PTGR3: variants seen among roughly 807,000 people sequenced by gnomAD.
PTGR3 encodes zinc binding alcohol dehydrogenase domain containing 2.
the PTGR3 span, among the ~76,000 whole-genome samples, chr18:75,204,459 G>T: frequency 6.6e-6 from 1 of 152,186 alleles, no homozygotes; most frequent in Non-Finnish European, 1.5e-5. Context: ...GTTTGCCAGG[G>T]GCCTTTGCTT....
chr18:75,206,887 CTG>C, the PTGR3 span, among the ~76,000 whole-genome samples: 2 of 152,234 alleles, frequency 1.3e-5, no homozygotes, highest in Non-Finnish European at 2.9e-5. Context: ...AGGGATCCAC[CTG>C]TCTCCCGCCC....
chr18:75,206,364 A>C, the PTGR3 span, among the ~76,000 whole-genome samples: 1 of 152,184 alleles, frequency 6.6e-6, no homozygotes, highest in Non-Finnish European at 1.5e-5. Context: ...AAACCACCAA[A>C]CATCTTTCCC....
chr18:75,196,122 C>G, the PTGR3 span: 2 of 152,000 alleles, frequency 1.3e-5, 1 homozygote, highest in South Asian at 4.2e-4. Context: ...ATTCTAAGAC[C>G]CTGTTCAGTT....
chr18:75,203,669 G>A, the PTGR3 span, among the ~76,000 whole-genome samples: 1 of 152,112 alleles, frequency 6.6e-6, no homozygotes, highest in Non-Finnish European at 1.5e-5. Context: ...ACCCGTGGAA[G>A]ATACACAATC....
chr18:75,197,752 T>C, the PTGR3 span: 1 of 152,252 alleles, frequency 6.6e-6, no homozygotes, highest in Non-Finnish European at 1.5e-5. Flanking sequence ...TTCTTGTGTT[T>C]AACCAAGTAA....
the PTGR3 span, chr18:75,198,499 T>C: frequency 6.6e-6 from 1 of 152,126 alleles, no homozygotes; most frequent in Non-Finnish European, 1.5e-5. Context: ...TTCCTTCATT[T>C]CTTTGCAAAC....
At chr18:75,208,592 A>G in the PTGR3 span, 1 of 938,376 alleles carries the variant, frequency 1.1e-6, no homozygotes, top group East Asian at 4.6e-5. Flanking sequence ...AGGGGAGGGG[A>G]ATCCCAAATT....
At chr18:75,205,190 T>G in the PTGR3 span, 1 of 985,494 alleles carries the variant, frequency 1.0e-6, no homozygotes, top group Non-Finnish European at 1.2e-6. Flanking sequence ...CCTGAGTCCT[T>G]ACCTCTGCGT....
At chr18:75,201,172 T>G in the PTGR3 span, 1 of 504,058 alleles carries the variant, frequency 2.0e-6, no homozygotes, top group East Asian at 3.2e-5. Flanking sequence ...CATCCATGAC[T>G]AAAGAATTGA....
At chr18:75,202,001 C>T in the PTGR3 span, 10 of 1,614,208 alleles carry the variant, frequency 6.2e-6, no homozygotes, top group Non-Finnish European at 8.5e-6. Context: ...GGCCCGTTCC[C>T]CCAGCTGCTG....
At chr18:75,208,563 G>T in the PTGR3 span, 3 of 1,025,644 alleles carry the variant, frequency 2.9e-6, no homozygotes, top group Non-Finnish European at 3.6e-6. Context: ...GCGGGAGGGG[G>T]AGGAGGGAGG....
chr18:75,205,940 CTCCAT>C, the PTGR3 span, among the ~76,000 whole-genome samples: 1 of 152,124 alleles, frequency 6.6e-6, no homozygotes, highest in South Asian at 2.1e-4. Context: ...AAACTCTTTG[CTCCAT>C]TATCTTACAC....
chr18:75,201,650 T>C, the PTGR3 span: 78 of 1,614,088 alleles, frequency 4.8e-5, no homozygotes, highest in Non-Finnish European at 6.4e-5. Flanking sequence ...AGAAGCCCTG[T>C]ACGCTGGCAG....
chr18:75,202,480 A>T, the PTGR3 span: 1 of 680,068 alleles, frequency 1.5e-6, no homozygotes, highest in Non-Finnish European at 2.4e-6. Flanking sequence ...TGAGAAAATT[A>T]GTCCTGCTGC....
At chr18:75,201,707 A>G in the PTGR3 span, 7 of 1,614,228 alleles carry the variant, frequency 4.3e-6, no homozygotes, top group Non-Finnish European at 5.9e-6. Flanking sequence ...TCACAGGCGA[A>G]AGGCCAGTAG....
chr18:75,198,229 C>T, the PTGR3 span: 4 of 152,190 alleles, frequency 2.6e-5, no homozygotes, highest in African/African-American at 9.7e-5. Flanking sequence ...GTCAAGCTTC[C>T]AGCATCTTGT....
chr18:75,205,383 C>T, the PTGR3 span: 2 of 985,586 alleles, frequency 2.0e-6, no homozygotes, highest in Non-Finnish European at 2.4e-6. Context: ...CCCCACCCCC[C>T]CTTTAATTGA....
At chr18:75,204,353 A>C in the PTGR3 span, among the ~76,000 whole-genome samples, 2 of 152,190 alleles carry the variant, frequency 1.3e-5, no homozygotes, top group Admixed American at 6.5e-5. Flanking sequence ...GAGCGCGCAC[A>C]CGCGCTGGAC....
At chr18:75,208,370 A>G in the PTGR3 span, 1 of 986,772 alleles carries the variant, frequency 1.0e-6, no homozygotes, top group South Asian at 4.7e-5. Context: ...CCTGGAGGGA[A>G]CAGGGAAAGC....
Sources: allele counts gnomAD v4.1 joint callset (sites outside exome capture counted in the v4.1 genomes callset), GRCh38; gene constraint gnomAD v4.1.1; transcripts MANE v1.5; gene names NCBI Gene and HGNC (gene_info 2026-07-23, HGNC 2026-07-21).